Variants in DPYSL4 observed in about 807,000 individuals in gnomAD.
DPYSL4 encodes the protein dihydropyrimidinase-related protein 4.
A neutral mutation model predicts 63.4 loss-of-function variants in DPYSL4; 43 were observed. That is an observed-to-expected ratio of 0.68 (90% CI 0.53 to 0.88). The LOEUF (loss-of-function observed/expected upper bound fraction) is 0.88, where lower values mean the gene tolerates loss of function less well. Among genes scored for constraint, DPYSL4 ranks in the 40% least tolerant of loss-of-function variants. DPYSL4 has a pLI of 0.00. For synonymous variants in DPYSL4, 353 were observed against 331.7 expected, an observed-to-expected ratio of 1.06 and a Z score of -0.70; for missense variants, 733 against 819.5, an observed-to-expected ratio of 0.89 and a Z score of 1.29.
chr10:132,199,413 G>A (rs2061983975), intron 8 of DPYSL4, among the ~76,000 whole-genome samples: 3 of 152,266 alleles, frequency 2.0e-5, no homozygotes, highest in South Asian at 4.1e-4. Flanking sequence ...TGGGCGGGGG[G>A]GTGCCACCCA....
chr10:132,203,361 G>A (rs1478647399), intron 12 of DPYSL4, among the ~76,000 whole-genome samples: 3 of 152,176 alleles, frequency 2.0e-5, no homozygotes, highest in Admixed American at 6.5e-5. Flanking sequence ...CGGTGCAGCA[G>A]GTGTGGTCTC....
rs200948541 is a variant in DPYSL4, at chr10:132,192,736, C to T, written c.207C>T (p.Gly69=). The change falls in exon 3 of 14, where the codon GGC becomes GGT. Residue 69 remains glycine (G), a synonymous_variant. Coordinates refer to ENST00000338492, the MANE Select transcript of DPYSL4 (RefSeq NM_006426.3). The part of the protein sequence containing the change: ...DAHGLMVLPG[G]VDVHTRLQMP... ...ACGGCCTGATGGTCCTTCCTGGTGG[C>T]GTTGACGTCCACACAAGGCTGCAGA... 7.3e-5 allele frequency: 117 copies of T among 1,613,298 alleles called. 1 individual carries two copies. The highest frequency in any genetic ancestry group is 5.4e-4 in the South Asian group (49 of 91,082).
At chr10:132,202,886 C>T in intron 12 of DPYSL4, 61 bp downstream of exon 12, 6 of 1,527,494 alleles carry the variant, frequency 3.9e-6, no homozygotes, top group Non-Finnish European at 5.3e-6. Context: ...GTTCTAGGCC[C>T]AGAACGCACC....
chr10:132,192,866 T>A lies in DPYSL4; in HGVS notation c.313+24T>A, dbSNP rs577297204. On this transcript the variant is annotated intron_variant, in intron 3 of 13. Coordinates refer to ENST00000338492, the MANE Select transcript of DPYSL4 (RefSeq NM_006426.3). ...CTGTGAGTGTCTGGGTCTCCTCCTCTACAGGGGGCAGCCAGCGTCTGCTGC... is the reference window on the plus strand; with the variant it reads ...CTGTGAGTGTCTGGGTCTCCTCCTCAACAGGGGGCAGCCAGCGTCTGCTGC... 11 of 1,574,826 alleles carry A rather than the reference T, an allele frequency of 7.0e-6. No individual in the cohort carries two copies. In the South Asian group the frequency reaches 8.1e-5, roughly 12 times the overall value.
Position 132,200,941 on chromosome 10 carries a change from C to T in DPYSL4, c.1068C>T (p.Asn356=), listed in dbSNP as rs571727375. The T allele has an allele frequency of 6.7e-5, 108 of 1,613,324 alleles. No individual in the cohort carries two copies. In the East Asian group the frequency reaches 1.3e-3, roughly 19 times the overall value. ...DNFALIPEGT[N]GIEERMSMVW... The stretch of plus-strand genomic sequence containing the variant: ...TCGCGCTGATCCCCGAGGGCACCAA[C>T]GGCATTGAGGAGCGCATGTCGATGG... Residue 356 remains asparagine, a synonymous_variant, in exon 10 of 14, where the codon AAC becomes AAT. Coordinates refer to ENST00000338492, the MANE Select transcript of DPYSL4 (RefSeq NM_006426.3).
chr10:132,199,005 G>T (rs368493883), intron 8 of DPYSL4, 34 bp downstream of exon 8: 16 of 1,533,008 alleles, frequency 1.0e-5, no homozygotes, highest in Admixed American at 1.7e-5. Flanking sequence ...ATGCCGAGGG[G>T]CCATGGTCTC....
Position 132,200,922 on chromosome 10 carries a change from T to G in DPYSL4, c.1049T>G (p.Leu350Arg), listed in dbSNP as rs1333676029. Reference protein sequence around the residue: ...QKAVGKDNFALIPEGTNGIEE... With the variant: ...QKAVGKDNFARIPEGTNGIEE... ...GCTGTGGGCAAGGACAACTTCGCGC[T>G]GATCCCCGAGGGCACCAACGGCATT... is the stretch of plus-strand genomic sequence containing the variant. The change falls in exon 10 of 14, where the codon CTG becomes CGG. Residue 350 changes from leucine to arginine, a missense_variant. Physicochemically the swap from Leu to Arg is moderately radical, Grantham distance 102. Transcript: ENST00000338492. The G allele has an allele frequency of 6.2e-7, 1 of 1,613,318 alleles. No individual in the cohort carries two copies. Among genetic ancestry groups the G allele is most frequent in the Admixed American group, 1.7e-5 (1 of 60,016 alleles).
intron 1 of DPYSL4, 26 bp downstream of exon 1, chr10:132,187,128 C>CGCCCCCT (rs1220736168): frequency 2.6e-6 from 4 of 1,514,028 alleles, no homozygotes; most frequent in Non-Finnish European, 3.6e-6. Context: ...CTTCGCCCGG[C>CGCCCCCT]GCCCCCTGCC....
rs2061864602 is a variant in DPYSL4, at chr10:132,190,851, A to G, written c.128+16A>G. 1 of 1,611,400 alleles carries G rather than the reference A, an allele frequency of 6.2e-7. No individual in the cohort carries two copies. Among genetic ancestry groups the G allele is most frequent in the Admixed American group, 1.7e-5 (1 of 59,950 alleles). On this transcript the variant is annotated intron_variant, in intron 2 of 13. Coordinates refer to ENST00000338492, the MANE Select transcript of DPYSL4 (RefSeq NM_006426.3). ...GCTTGATAAAGTAAGTTTCCGCCGA[A>G]AATGAAAATACGTTCCCAGCTCGTG... is the stretch of plus-strand genomic sequence containing the variant.
chr10:132,190,670 C>T lies in DPYSL4; in HGVS notation c.40-77C>T. 5 of 1,393,118 alleles carry T rather than the reference C, an allele frequency of 3.6e-6. No homozygotes were observed. In the South Asian group the frequency reaches 3.8e-5, roughly 11 times the overall value. The allele number at this position is 1,393,118 out of a possible 1,614,324, so 86.3% of individuals were successfully genotyped here. A position where few individuals can be genotyped will look rare whatever the true frequency, so the allele number is the denominator to read the frequency against. ...TGCCTGAATGTTTCAGTCATAATTTCAGAGGAAGGAGTTGCACCAAGAGTG... is the reference window on the plus strand; with the variant it reads ...TGCCTGAATGTTTCAGTCATAATTTTAGAGGAAGGAGTTGCACCAAGAGTG... On this transcript the variant is annotated intron_variant, in intron 1 of 13. Coordinates refer to ENST00000338492, the MANE Select transcript of DPYSL4 (RefSeq NM_006426.3).
chr10:132,200,880 T>C lies in DPYSL4; in HGVS notation c.1007T>C (p.Phe336Ser), dbSNP rs777776855. ...GTGACAGGCAGCGCCCACTGCACCT[T>C]CACCACTGCCCAGAAGGCTGTGGGC... ...LQVTGSAHCT[F>S]TTAQKAVGKD... The change falls in exon 10 of 14, where the codon TTC (phenylalanine) becomes TCC (serine). Residue 336 changes from phenylalanine to serine, a missense_variant. Phe to Ser is a radical substitution (Grantham distance 155). Transcript: ENST00000338492. 1.2e-6 allele frequency: 2 copies of C among 1,613,098 alleles called. No individual in the cohort carries two copies. The highest frequency in any genetic ancestry group is 3.3e-5 in the Admixed American group (2 of 60,004).
intron 10 of DPYSL4, 102 bp from the exon 11 acceptor site, chr10:132,201,844 G>A: frequency 7.8e-7 from 1 of 1,278,852 alleles, no homozygotes; most frequent in Non-Finnish European, 1.1e-6. Context: ...CTGGTGACCT[G>A]GCATCCATCC....
At chr10:132,198,373 C>CGGAG in intron 6 of DPYSL4, 42 bp from the exon 7 acceptor site, 1 of 1,576,248 alleles carries the variant, frequency 6.3e-7, no homozygotes, top group Non-Finnish European at 8.6e-7. Context: ...GGCCCAGGCT[C>CGGAG]CCTTCAGGGC....
Position 132,192,782 on chromosome 10 carries a change from C to A in DPYSL4, c.253C>A (p.Pro85Thr), listed in dbSNP as rs766174693. ...RLQMPVLGMT[P>T]ADDFCQGTKA... ...GCAGATGCCTGTCCTGGGCATGACA[C>A]CGGCTGACGACTTCTGTCAGGGCAC... Residue 85 changes from proline (P) to threonine (T), a missense_variant, in exon 3 of 14, where the codon CCG becomes ACG. By Grantham distance (38) the Pro-to-Thr change is conservative. Coordinates refer to ENST00000338492, the MANE Select transcript of DPYSL4 (RefSeq NM_006426.3). The A allele has an allele frequency of 1.2e-6, 2 of 1,613,150 alleles. No homozygotes were observed. The highest frequency in any genetic ancestry group is 2.2e-5 in the East Asian group (1 of 44,866).
At chr10:132,188,100 T>C (rs2061829148) in intron 1 of DPYSL4, among the ~76,000 whole-genome samples, 1 of 152,054 alleles carries the variant, frequency 6.6e-6, no homozygotes, top group African/African-American at 2.4e-5. Context: ...CGGCTGGGTC[T>C]GGTCTTGATG....
In DPYSL4 at chr10:132,205,325, T is replaced by A; in HGVS notation, c.*395T>A. Reference sequence around the variant, plus strand: ...GGGGCCGAGTCCCGCCTGGTGGGCATTTGCCGCCGCCTCCCCACCACCAGT... The same window carrying A: ...GGGGCCGAGTCCCGCCTGGTGGGCAATTGCCGCCGCCTCCCCACCACCAGT... On this transcript the variant is annotated 3_prime_UTR_variant, in exon 14 of 14. Coordinates refer to ENST00000338492, the MANE Select transcript of DPYSL4 (RefSeq NM_006426.3). 1 of 167,048 alleles carries A rather than the reference T, an allele frequency of 6.0e-6. No homozygotes were observed. The highest frequency in any genetic ancestry group is 1.3e-5 in the Non-Finnish European group (1 of 77,624). 10.3% of individuals were successfully genotyped at this position (167,048 alleles called of 1,614,324 possible).
chr10:132,204,553 C>T (rs1054732809), intron 13 of DPYSL4, among the ~76,000 whole-genome samples: 8 of 152,156 alleles, frequency 5.3e-5, no homozygotes, highest in South Asian at 2.1e-4. Context: ...AGAGCAGGGA[C>T]GAGGCAGGAC....
intron 1 of DPYSL4, among the ~76,000 whole-genome samples, chr10:132,187,784 C>G (rs1001063528): frequency 1.4e-4 from 21 of 152,216 alleles, no homozygotes; most frequent in Admixed American, 1.3e-3. Flanking sequence ...GCAGAGACCC[C>G]TCCCCAACAC....
chr10:132,191,987 G>A (rs55913158), intron 2 of DPYSL4, among the ~76,000 whole-genome samples: 3,238 of 119,112 alleles, frequency 0.027, 10 homozygotes, highest in Non-Finnish European at 0.039. Context: ...CGCTGGTCAC[G>A]TGGTATCCAG....
Sources: allele counts gnomAD v4.1 joint callset (sites outside exome capture counted in the v4.1 genomes callset), GRCh38; gene constraint gnomAD v4.1.1; transcripts MANE v1.5; gene names NCBI Gene and HGNC (gene_info 2026-07-23, HGNC 2026-07-21).